Variants in HNRNPM observed in about 807,000 individuals in gnomAD.
The protein encoded by HNRNPM is heterogeneous nuclear ribonucleoprotein M.
In HNRNPM, 11 loss-of-function variants were observed where a neutral mutation model predicts 73.1. That is an observed-to-expected ratio of 0.15 (90% CI 0.09 to 0.25). The LOEUF is 0.25. Among genes scored for constraint, HNRNPM ranks in the 10% least tolerant of loss-of-function variants. The pLI is 1.00. For missense variants in HNRNPM, 789 were observed against 1,067.9 expected (o/e 0.74, Z 3.64); for synonymous variants, 407 against 355.2 (o/e 1.15, Z -1.64).
chr19:8,477,660 C>CAAAAA lies in HNRNPM; in HGVS notation c.1120+3445_1120+3449dup, dbSNP rs35193948. Among the ~76,000 whole-genome samples the CAAAAA allele has an allele frequency of 1.6e-3, 193 of 117,040 alleles. 3 individuals are homozygous for CAAAAA. Among genetic ancestry groups the CAAAAA allele is most frequent in the African/African-American group, 6.2e-3 (167 of 26,938 alleles). 76.8% of individuals were successfully genotyped at this position (117,040 alleles called of 152,430 possible). A position where few individuals can be genotyped will look rare whatever the true frequency, so the allele number is the denominator to read the frequency against. On this transcript the variant is annotated intron_variant, in intron 12 of 15. Transcript: ENST00000325495. ...GGGTTGACAGAGTGAAACCCTGTCTCAAAAAAAAAAAAAAAAAAAAAAAAA... is the reference window on the plus strand; with the variant it reads ...GGGTTGACAGAGTGAAACCCTGTCTCAAAAAAAAAAAAAAAAAAAAAAAAAAAAAA...
chr19:8,479,073 T>C (rs544164965), intron 12 of HNRNPM, among the ~76,000 whole-genome samples: 5 of 128,952 alleles, frequency 3.9e-5, no homozygotes, highest in Admixed American at 3.7e-4. Context: ...CTTTTTTCTT[T>C]CTTTCTTTTT....
At chr19:8,476,670 G>A (rs1365259803) in intron 12 of HNRNPM, among the ~76,000 whole-genome samples, 1 of 152,154 alleles carries the variant, frequency 6.6e-6, no homozygotes, top group Non-Finnish European at 1.5e-5. Flanking sequence ...TGGAGTTCAC[G>A]GTGCTCCCTG....
At chr19:8,465,804 G>C (rs1433283613) in intron 6 of HNRNPM, among the ~76,000 whole-genome samples, 3 of 152,140 alleles carry the variant, frequency 2.0e-5, no homozygotes. Flanking sequence ...TTTTGGTGCA[G>C]AGTAAGACTG....
At chr19:8,455,000 G>T (rs556806429) in intron 1 of HNRNPM, among the ~76,000 whole-genome samples, 2 of 151,944 alleles carry the variant, frequency 1.3e-5, no homozygotes, top group Non-Finnish European at 2.9e-5. Context: ...TTGAGACAGG[G>T]TCTCGCTCTG....
chr19:8,462,401 T>G lies in HNRNPM; in HGVS notation c.284-128T>G. ...GCCTAGTTCGGTGGTTTAGAGAATATGGAGTGTTTCTGGGCTTTCTTATAA... is the reference window on the plus strand; with the variant it reads ...GCCTAGTTCGGTGGTTTAGAGAATAGGGAGTGTTTCTGGGCTTTCTTATAA... On this transcript the variant is annotated intron_variant, in intron 2 of 15. Transcript: ENST00000325495. This position sits in a 1 kb window ranked among gnomAD's most constrained non-coding sequence, Gnocchi z 4.5. 1.3e-6 allele frequency: 1 copy of G among 785,578 alleles called. No individual in the cohort carries two copies. Among genetic ancestry groups the G allele is most frequent in the Non-Finnish European group, 2.3e-6 (1 of 442,002 alleles). 48.7% of individuals were successfully genotyped at this position (785,578 alleles called of 1,614,324 possible).
intron 1 of HNRNPM, among the ~76,000 whole-genome samples, chr19:8,445,763 C>T (rs1021374691): frequency 1.3e-5 from 2 of 152,248 alleles, no homozygotes; most frequent in Non-Finnish European, 2.9e-5. Context: ...GTTTCCCGCT[C>T]CTCCTCCCCG....
chr19:8,478,372 C>T (rs1970662951), intron 12 of HNRNPM, among the ~76,000 whole-genome samples: 1 of 151,976 alleles, frequency 6.6e-6, no homozygotes, highest in Non-Finnish European at 1.5e-5. Flanking sequence ...CCTGGAAAGG[C>T]CTAGGGTGAT....
chr19:8,455,849 G>C (rs757184888), intron 2 of HNRNPM, among the ~76,000 whole-genome samples: 56 of 151,184 alleles, frequency 3.7e-4, no homozygotes, highest in Non-Finnish European at 8.8e-5. Flanking sequence ...GCTTAGTATG[G>C]TTAATAAGGC....
Position 8,467,525 on chromosome 19 carries a change from G to C in HNRNPM, c.785-10G>C. 1 of 1,606,956 alleles carries C rather than the reference G, an allele frequency of 6.2e-7. No homozygotes were observed. The highest frequency in any genetic ancestry group is 2.2e-5 in the East Asian group (1 of 44,812). ...AGAATTGCAAGAAATAGCCTTAATT[G>C]TAATACCAGCTATGTTCAATGGCCA... On this transcript the variant is annotated splice_polypyrimidine_tract_variant and intron_variant, in intron 7 of 15. Coordinates refer to ENST00000325495, the MANE Select transcript of HNRNPM (RefSeq NM_005968.5).
chr19:8,470,194 G>A (rs1452808592), intron 9 of HNRNPM, among the ~76,000 whole-genome samples: 1 of 152,226 alleles, frequency 6.6e-6, no homozygotes, highest in Non-Finnish European at 1.5e-5. Flanking sequence ...GGGAGAGTAA[G>A]TCACCGTGGC....
At chr19:8,448,196 T>C in intron 1 of HNRNPM, among the ~76,000 whole-genome samples, 1 of 151,986 alleles carries the variant, frequency 6.6e-6, no homozygotes, top group East Asian at 1.9e-4. Context: ...AGGAGTGGAG[T>C]GTGCAGTAGA....
chr19:8,485,204 C>T (rs759864410), intron 13 of HNRNPM, among the ~76,000 whole-genome samples: 7 of 152,034 alleles, frequency 4.6e-5, no homozygotes, highest in Non-Finnish European at 5.9e-5. Context: ...TGTTCATTAC[C>T]CTGGGTGGCC....
intron 12 of HNRNPM, among the ~76,000 whole-genome samples, chr19:8,479,935 C>T (rs74180130): frequency 0.22 from 32,325 of 148,850 alleles, 4,411 homozygotes; most frequent in East Asian, 0.5. Flanking sequence ...CCCCCATGTC[C>T]GGCTAATTTT....
Position 8,466,215 on chromosome 19 carries a change from C to T in HNRNPM, c.631-20C>T. On this transcript the variant is annotated intron_variant, in intron 6 of 15. Coordinates refer to ENST00000325495, the MANE Select transcript of HNRNPM (RefSeq NM_005968.5). ...TAAGATGTTTACATTGAGGTTTTTA[C>T]CCCGTTCTCTCTCGATTAGCTGGAT... 1 of 1,604,514 alleles carries T rather than the reference C, an allele frequency of 6.2e-7. No homozygotes were observed. The highest frequency in any genetic ancestry group is 8.5e-7 in the Non-Finnish European group (1 of 1,176,656).
At chr19:8,454,866 G>C (rs1968893594) in intron 1 of HNRNPM, among the ~76,000 whole-genome samples, 1 of 152,084 alleles carries the variant, frequency 6.6e-6, no homozygotes. Flanking sequence ...CTCTGTTACT[G>C]TCCGTAGGAG....
intron 10 of HNRNPM, among the ~76,000 whole-genome samples, 198 bp downstream of exon 10, chr19:8,471,625 A>G (rs1307749245): frequency 6.6e-6 from 1 of 152,152 alleles, no homozygotes; most frequent in African/African-American, 2.4e-5. Context: ...TTAAAAAGTC[A>G]TTATGCTTTT....
At chr19:8,467,648 A>C in intron 8 of HNRNPM, 64 bp downstream of exon 8, 1 of 1,138,692 alleles carries the variant, frequency 8.8e-7, no homozygotes, top group South Asian at 1.2e-5. Context: ...AATTAATAAG[A>C]GTGTACATAT....
chr19:8,466,711 A>G lies in HNRNPM; in HGVS notation c.784+323A>G, dbSNP rs537278237. 2.4e-4 allele frequency among the ~76,000 whole-genome samples: 37 copies of G among 151,112 alleles called. No individual in the cohort carries two copies. In the East Asian group the frequency reaches 6.9e-3, roughly 28 times the overall value. The stretch of plus-strand genomic sequence containing the variant: ...CGCAGTGGTGGGTGCCTGTAATCCC[A>G]GCTACTCGGGAGGCTGAGGCACAAG... On this transcript the variant is annotated intron_variant, in intron 7 of 15. Transcript: ENST00000325495.
In HNRNPM at chr19:8,486,319, G is replaced by A. The variant is rs113409107; in HGVS notation, c.1891G>A (p.Gly631Arg). 365 of 1,599,890 alleles carry A rather than the reference G, an allele frequency of 2.3e-4. 1 individual carries two copies. The highest frequency in any genetic ancestry group is 7.0e-5 in the Non-Finnish European group (82 of 1,179,824). ...RAIEMERGNFGGSFAGSFGGA... is the reference protein window; with the variant it reads ...RAIEMERGNFRGSFAGSFGGA... Reference sequence around the variant, plus strand: ...CATCGAGATGGAGCGTGGCAACTTCGGAGGAAGCTTCGCAGGTTCCTTTGG... The same window carrying A: ...CATCGAGATGGAGCGTGGCAACTTCAGAGGAAGCTTCGCAGGTTCCTTTGG... The change falls in exon 14 of 16, where the codon GGA (glycine) becomes AGA (arginine). Residue 631 changes from glycine to arginine, a missense_variant. Coordinates refer to ENST00000325495, the MANE Select transcript of HNRNPM (RefSeq NM_005968.5).
Sources: gnomAD v4.1 joint callset for allele counts (sites outside exome capture counted in the v4.1 genomes callset) on GRCh38, gnomAD v4.1.1 for gene constraint, Gnocchi (gnomAD v3.1) non-coding constraint, MANE v1.5 for transcripts, NCBI Gene and HGNC (gene_info 2026-07-23, HGNC 2026-07-21) for gene names.